The following EP400 variants were observed in gnomAD, a reference collection of about 807,000 sequenced individuals.
The protein encoded by EP400 is E1A-binding protein p400.
Under a neutral mutation model 354.1 loss-of-function variants are expected in EP400, and 105 were observed. That is an observed-to-expected ratio of 0.30 (90% CI 0.25 to 0.35). The LOEUF (loss-of-function observed/expected upper bound fraction) is 0.35. EP400 is among the 10% of genes least tolerant of loss of function. The probability of loss-of-function intolerance (pLI) is 1.00; values close to 1 mark genes in which losing one functional copy is unlikely to be tolerated. For synonymous variants in EP400, 1,646 were observed against 1,716.9 expected, an observed-to-expected ratio of 0.96 and a Z score of 1.02; for missense variants, 3,280 against 4,121.0, an observed-to-expected ratio of 0.80 and a Z score of 5.59.
rs1362387475 is a variant in EP400 at position 132,021,160 on chromosome 12, C to G, written c.4529C>G (p.Ala1510Gly). The G allele has an allele frequency of 1.9e-6, 3 of 1,600,894 alleles. No individual in the cohort carries two copies. The highest frequency in any genetic ancestry group is 2.5e-6 in the Non-Finnish European group (3 of 1,179,762). Residue 1510 changes from alanine to glycine, a missense_variant, in exon 23 of 53, where the codon GCT (alanine) becomes GGT (glycine). Around this residue, in one of 20 missense-constraint regions of EP400, gnomAD observed 342 missense variants for 342.7 expected, o/e 1.00. Coordinates refer to ENST00000389561, the MANE Select transcript of EP400 (RefSeq NM_015409.5). ...CCCGCCTCGGCCTCCAGCACAGCCG[C>G]TAGCCCGGCCCATCCTGCGAAACTG... is the stretch of plus-strand genomic sequence containing the variant. ...HQPASASSTAASPAHPAKLRA... is the reference protein window; with the variant it reads ...HQPASASSTAGSPAHPAKLRA...
At chr12:132,030,660 G>C (rs962382718) in intron 29 of EP400, among the ~76,000 whole-genome samples, 1 of 152,204 alleles carries the variant, frequency 6.6e-6, no homozygotes, top group Non-Finnish European at 1.5e-5. Flanking sequence ...GCTTGACCTA[G>C]TAATTCTGTA....
intron 45 of EP400, among the ~76,000 whole-genome samples, chr12:132,057,093 G>A (rs530164304): frequency 1.3e-5 from 2 of 152,288 alleles, no homozygotes; most frequent in African/African-American, 2.4e-5. Flanking sequence ...GTCCACAGTC[G>A]CTTCCTAAAA....
In EP400 at chr12:132,067,132, C is replaced by A; in HGVS notation, c.8749+163C>A. On this transcript the variant is annotated intron_variant, in intron 49 of 52. Coordinates refer to ENST00000389561, the MANE Select transcript of EP400 (RefSeq NM_015409.5). The surrounding 1 kb of genome is among the most constrained non-coding windows in gnomAD (Gnocchi z 5.3). ...AACGTGCCTTGGCGCTTTCCAGGCG[C>A]AAGGCTGGGTCCTCAATTGAACTGT... 1 of 1,132,486 alleles carries A rather than the reference C, an allele frequency of 8.8e-7. No individual in the cohort carries two copies. The highest frequency in any genetic ancestry group is 1.2e-6 in the Non-Finnish European group (1 of 824,140). The allele number at this position is 1,132,486 out of a possible 1,614,324, so 70.2% of individuals were successfully genotyped here.
At position 132,067,150 on chromosome 12, in the gene EP400, T is replaced by G. The variant is rs1895919335; in HGVS notation, c.8749+181T>G. On this transcript the variant is annotated intron_variant, in intron 49 of 52. Coordinates refer to ENST00000389561, the MANE Select transcript of EP400 (RefSeq NM_015409.5). This position sits in a 1 kb window ranked among gnomAD's most constrained non-coding sequence, Gnocchi z 5.3. ...CCAGGCGCAAGGCTGGGTCCTCAAT[T>G]GAACTGTTAACATTCTGAAATTTCC... is the stretch of plus-strand genomic sequence containing the variant. 8.9e-7 allele frequency: 1 copy of G among 1,124,044 alleles called. No individual in the cohort carries two copies. Among genetic ancestry groups the G allele is most frequent in the African/African-American group, 1.6e-5 (1 of 63,686 alleles). 69.6% of individuals were successfully genotyped at this position (1,124,044 alleles called of 1,614,324 possible).
chr12:132,057,342 AT>A (rs1217235656), intron 45 of EP400, among the ~76,000 whole-genome samples: 2 of 152,232 alleles, frequency 1.3e-5, no homozygotes, highest in Admixed American at 1.3e-4. Flanking sequence ...AAAAGAATGA[AT>A]GCCCGAGACA....
At chr12:132,031,658 C>T (rs1211960907) in intron 29 of EP400, among the ~76,000 whole-genome samples, 1 of 152,190 alleles carries the variant, frequency 6.6e-6, no homozygotes, top group East Asian at 1.9e-4. Context: ...CGGGTTCACG[C>T]CATTCTCCTG....
At chr12:131,984,824 G>A (rs968562223) in intron 5 of EP400, among the ~76,000 whole-genome samples, 16 of 150,920 alleles carry the variant, frequency 1.1e-4, no homozygotes, top group Non-Finnish European at 2.2e-4. Context: ...TCAGCCTCCC[G>A]AGTAGCTGGG....
chr12:132,062,832 A>G lies in EP400; in HGVS notation c.8334+131A>G, dbSNP rs1895753417. ...CAAACGTCTAGCACTGCCTTTATGT[A>G]GGACGCGTGCTTCGTTTTATTGGTC... On this transcript the variant is annotated intron_variant, in intron 47 of 52. Transcript: ENST00000389561. 1.1e-5 allele frequency: 13 copies of G among 1,139,900 alleles called. No individual in the cohort carries two copies. The South Asian group carries it at 2.0e-4, about 18-fold the overall frequency. The allele number at this position is 1,139,900 out of a possible 1,614,324, so 70.6% of individuals were successfully genotyped here.
At chr12:132,047,501 G>A (rs1180052100) in intron 39 of EP400, among the ~76,000 whole-genome samples, 4 of 152,166 alleles carry the variant, frequency 2.6e-5, no homozygotes, top group African/African-American at 9.7e-5. Flanking sequence ...GGCAGGTTCC[G>A]TGATGCCCCC....
rs949591807 is a variant in EP400, at chr12:132,014,872, CTG to C, written c.3923+962_3923+963del. On this transcript the variant is annotated intron_variant, in intron 19 of 52. Transcript: ENST00000389561. ...TGCACTCTGGCCGTGGCACAGCAGA[CTG>C]TGGTTTGTGGAGACTAGGGGTGAGG... Among the ~76,000 whole-genome samples, 7 of 152,224 alleles carry C rather than the reference CTG, an allele frequency of 4.6e-5. 1 individual carries two copies. The highest frequency in any genetic ancestry group is 1.3e-4 in the Admixed American group (2 of 15,280).
chr12:132,044,144 G>A, intron 34 of EP400, 33 bp from the exon 35 acceptor site: 1 of 1,611,318 alleles, frequency 6.2e-7, no homozygotes. Flanking sequence ...CTGCACTCCT[G>A]ATCCTGAAAG....
Position 131,982,236 on chromosome 12 carries a change from C to T in EP400, c.1687C>T (p.Pro563Ser). Residue 563 changes from proline (P) to serine (S), a missense_variant, in exon 5 of 53, where the codon CCA becomes TCA. Physicochemically the swap from Pro to Ser is moderately conservative, Grantham distance 74 (BLOSUM62 -1). This residue lies in a region of EP400 where 800 missense variants were observed against 840.0 expected (regional missense o/e 0.95). Coordinates refer to ENST00000389561, the MANE Select transcript of EP400 (RefSeq NM_015409.5). Reference sequence around the variant, plus strand: ...GCCGCAGCTGCCCGGGAGGCTGCCCCCAGCCGGTGTTCCCACTGCAGCCCT... The same window carrying T: ...GCCGCAGCTGCCCGGGAGGCTGCCCTCAGCCGGTGTTCCCACTGCAGCCCT... The part of the protein sequence containing the change: ...PLPQLPGRLP[P>S]AGVPTAALSS... 1 of 1,614,092 alleles carries T rather than the reference C, an allele frequency of 6.2e-7. No individual in the cohort carries two copies. The highest frequency in any genetic ancestry group is 8.5e-7 in the Non-Finnish European group (1 of 1,179,992).
chr12:132,071,115 T>A (rs1896053824), intron 51 of EP400, among the ~76,000 whole-genome samples: 1 of 152,198 alleles, frequency 6.6e-6, no homozygotes, highest in Non-Finnish European at 1.5e-5. Context: ...AGTAGGGTGT[T>A]TGCTGTGTTT....
intron 29 of EP400, among the ~76,000 whole-genome samples, chr12:132,031,593 C>G (rs900088998): frequency 6.6e-6 from 1 of 152,198 alleles, no homozygotes; most frequent in Non-Finnish European, 1.5e-5. Context: ...GAGTCCTGCT[C>G]TGTCGCCGAG....
chr12:132,032,183 C>G (rs1261232816), intron 30 of EP400, 34 bp downstream of exon 30: 2 of 1,588,528 alleles, frequency 1.3e-6, no homozygotes, highest in Non-Finnish European at 1.7e-6. Flanking sequence ...TCAGGAGATG[C>G]AAAGACATCC....
At position 132,013,742 on chromosome 12, in the gene EP400, T is replaced by A. The variant is rs751068331; in HGVS notation, c.3787-35T>A. ...TTATAAACGTGTTACAGCAGCATTT[T>A]TGGAAAGAAAACAGTAAACAGTTTT... On this transcript the variant is annotated intron_variant, in intron 18 of 52. Transcript: ENST00000389561. This position sits in a 1 kb window ranked among gnomAD's most constrained non-coding sequence, Gnocchi z 4.5. 1.9e-6 allele frequency: 3 copies of A among 1,610,930 alleles called. No homozygotes were observed. In the South Asian group the frequency reaches 3.3e-5, roughly 18 times the overall value.
chr12:132,065,143 C>T (rs564708501), intron 48 of EP400: 93 of 641,648 alleles, frequency 1.4e-4, no homozygotes, highest in Admixed American at 7.6e-4. Context: ...GGAGAGTGAG[C>T]GAGGTGAGAT....
At position 132,064,744 on chromosome 12, in the gene EP400, C is replaced by T. The variant is rs779114152; in HGVS notation, c.8411C>T (p.Pro2804Leu). The T allele has an allele frequency of 6.2e-6, 10 of 1,613,742 alleles. No individual in the cohort carries two copies. Among genetic ancestry groups the T allele is most frequent in the Admixed American group, 3.3e-5 (2 of 60,022 alleles). ...QPPPPQAQSA[P>L]PQPTAQVQVQ... ...CCACCGCCACAGGCCCAGTCTGCGCCCCCGCAGCCAACAGCCCAAGTGCAA... is the reference window on the plus strand; with the variant it reads ...CCACCGCCACAGGCCCAGTCTGCGCTCCCGCAGCCAACAGCCCAAGTGCAA... The change falls in exon 48 of 53, where the codon CCC becomes CTC. Residue 2804 changes from proline to leucine, a missense_variant. By Grantham distance (98) the Pro-to-Leu change is moderately conservative (BLOSUM62 -3). Coordinates refer to ENST00000389561, the MANE Select transcript of EP400 (RefSeq NM_015409.5).
intron 32 of EP400, among the ~76,000 whole-genome samples, chr12:132,039,216 T>C (rs942887889): frequency 6.6e-5 from 10 of 152,230 alleles, no homozygotes; most frequent in African/African-American, 2.2e-4. Flanking sequence ...TATGACTCTC[T>C]TAGTCTGTCT....
Sources: allele counts gnomAD v4.1 joint callset (sites outside exome capture counted in the v4.1 genomes callset), GRCh38; gene constraint gnomAD v4.1.1; regional missense constraint gnomAD v4.1.1; non-coding constraint Gnocchi (gnomAD v3.1); transcripts MANE v1.5; gene names NCBI Gene and HGNC (gene_info 2026-07-23, HGNC 2026-07-21).